The following DNAH14 variants were observed in gnomAD, a reference collection of about 807,000 sequenced individuals.
The protein encoded by DNAH14 is axonemal beta dynein heavy chain 14.
Under a neutral mutation model 520.9 loss-of-function variants are expected in DNAH14, and 478 were observed. The observed-to-expected ratio is 0.92, with a 90% CI of 0.85 to 0.99. The LOEUF (loss-of-function observed/expected upper bound fraction) is 0.99, where lower values mean the gene tolerates loss of function less well. Ranked by LOEUF, DNAH14 falls within the 50% of genes least tolerant of loss-of-function variation. The pLI is 0.00. For missense variants in DNAH14, 4,831 were observed against 5,234.5 expected, an observed-to-expected ratio of 0.92 and a Z score of 2.38; for synonymous variants, 1,581 against 1,757.2, an observed-to-expected ratio of 0.90 and a Z score of 2.51.
At chr1:225,045,954 TTC>T (rs1381296180) in intron 15 of DNAH14, among the ~76,000 whole-genome samples, 2 of 152,110 alleles carry the variant, frequency 1.3e-5, no homozygotes, top group African/African-American at 4.8e-5. Context: ...TACTGTGGTG[TTC>T]TTAATGGTGA....
chr1:225,056,342 G>A (rs1161442755), intron 17 of DNAH14, among the ~76,000 whole-genome samples: 2 of 152,196 alleles, frequency 1.3e-5, no homozygotes, highest in African/African-American at 2.4e-5. Context: ...CTTTTGAGAA[G>A]TGTCTGTTCA....
At chr1:225,001,477 G>A (rs2063767686) in intron 8 of DNAH14, among the ~76,000 whole-genome samples, 1 of 152,012 alleles carries the variant, frequency 6.6e-6, no homozygotes, top group African/African-American at 2.4e-5. Context: ...AGAAATTTGT[G>A]GTGAATTCCT....
intron 41 of DNAH14, among the ~76,000 whole-genome samples, chr1:225,230,822 G>T (rs1192456786): frequency 6.6e-6 from 1 of 151,988 alleles, no homozygotes; most frequent in Non-Finnish European, 1.5e-5. Context: ...GGATAGAATA[G>T]AATAAAGAAT....
intron 10 of DNAH14, among the ~76,000 whole-genome samples, chr1:225,020,615 G>T (rs2065612573): frequency 6.6e-6 from 1 of 151,452 alleles, no homozygotes; most frequent in African/African-American, 2.4e-5. Flanking sequence ...GATTAAACCA[G>T]GAAGAAATTG....
chr1:225,040,153 A>G (rs1021616146), intron 12 of DNAH14, among the ~76,000 whole-genome samples: 2 of 151,768 alleles, frequency 1.3e-5, no homozygotes, highest in Non-Finnish European at 2.9e-5. Context: ...GTTAGCCAGG[A>G]TGGTCTTGAT....
chr1:225,320,425 C>A (rs781570210), intron 61 of DNAH14, among the ~76,000 whole-genome samples: 27 of 152,296 alleles, frequency 1.8e-4, no homozygotes, highest in Non-Finnish European at 3.4e-4. Context: ...CCAGCCTTGT[C>A]TTTGAACTCC....
Position 224,974,158 on chromosome 1 carries a change from G to A in DNAH14, c.830+5G>A, listed in dbSNP as rs779022678. ...AATTAAGACAGAGAAGAGCAGGTAAGTTTTGATACGCAATATATAAAAATT... is the reference window on the plus strand; with the variant it reads ...AATTAAGACAGAGAAGAGCAGGTAAATTTTGATACGCAATATATAAAAATT... On this transcript the variant is annotated splice_donor_5th_base_variant and intron_variant, in intron 8 of 85. Transcript: ENST00000682510. The A allele has an allele frequency of 1.6e-5, 23 of 1,460,792 alleles. No homozygotes were observed. Among genetic ancestry groups the A allele is most frequent in the Non-Finnish European group, 1.8e-5 (20 of 1,096,824 alleles). 90.5% of individuals were successfully genotyped at this position (1,460,792 alleles called of 1,614,324 possible).
At chr1:225,088,673 C>T (rs1393495604) in intron 21 of DNAH14, among the ~76,000 whole-genome samples, 1 of 152,098 alleles carries the variant, frequency 6.6e-6, no homozygotes, top group African/African-American at 2.4e-5. Flanking sequence ...GATTTACACT[C>T]AATACATTCT....
intron 23 of DNAH14, among the ~76,000 whole-genome samples, chr1:225,113,387 G>A (rs780460179): frequency 6.6e-6 from 1 of 152,190 alleles, no homozygotes; most frequent in Non-Finnish European, 1.5e-5. Flanking sequence ...GGTGACACAA[G>A]CATGCATGTG....
At chr1:225,189,629 T>C (rs1365648752) in intron 37 of DNAH14, among the ~76,000 whole-genome samples, 2 of 151,852 alleles carry the variant, frequency 1.3e-5, no homozygotes, top group African/African-American at 2.4e-5. Flanking sequence ...CATTTCATCT[T>C]GCTTGAAAAA....
intron 26 of DNAH14, among the ~76,000 whole-genome samples, chr1:225,123,098 TTTCATGAATCCTA>T (rs2077424753): frequency 6.6e-6 from 1 of 152,194 alleles, no homozygotes; most frequent in Admixed American, 6.5e-5. Context: ...TCTGGATATT[TTTCATGAATCCTA>T]TTCTGTCCAT....
chr1:225,378,467 C>A (rs574796651), intron 79 of DNAH14, among the ~76,000 whole-genome samples: 1 of 152,180 alleles, frequency 6.6e-6, no homozygotes, highest in African/African-American at 2.4e-5. Context: ...TGACCTCAGG[C>A]GATCTGTAAA....
At chr1:224,956,298 A>T (rs1305615925) in intron 3 of DNAH14, among the ~76,000 whole-genome samples, 1 of 152,132 alleles carries the variant, frequency 6.6e-6, no homozygotes, top group Non-Finnish European at 1.5e-5. Context: ...GTAATAATAT[A>T]TAGTCATGTA....
At chr1:225,158,607 T>G (rs1468198772) in intron 34 of DNAH14, among the ~76,000 whole-genome samples, 1 of 152,222 alleles carries the variant, frequency 6.6e-6, no homozygotes, top group Non-Finnish European at 1.5e-5. Flanking sequence ...GTTATGTTAC[T>G]TTAGTGAATA....
chr1:225,339,279 C>T (rs1383056321), intron 68 of DNAH14, among the ~76,000 whole-genome samples: 1 of 152,078 alleles, frequency 6.6e-6, no homozygotes, highest in Non-Finnish European at 1.5e-5. Context: ...CCATTGCACT[C>T]CAGCCTGGGC....
chr1:225,002,962 G>T, intron 9 of DNAH14, 35 bp downstream of exon 9: 16 of 1,431,504 alleles, frequency 1.1e-5, no homozygotes, highest in Non-Finnish European at 1.5e-5. Flanking sequence ...GCTAATATTG[G>T]TATATAGAAA....
intron 27 of DNAH14, among the ~76,000 whole-genome samples, chr1:225,124,788 T>C (rs1199632882): frequency 6.7e-6 from 1 of 149,656 alleles, no homozygotes; most frequent in African/African-American, 2.4e-5. Flanking sequence ...TGGTGAATCC[T>C]TTCCAGAAGG....
chr1:225,159,619 T>G, intron 35 of DNAH14, 134 bp downstream of exon 35: 1 of 996,318 alleles, frequency 1.0e-6, no homozygotes, highest in East Asian at 2.8e-5. Flanking sequence ...ATAAAAATAC[T>G]TGGAGATATA....
chr1:224,945,606 C>G (rs537203926), intron 1 of DNAH14, among the ~76,000 whole-genome samples: 2 of 152,210 alleles, frequency 1.3e-5, no homozygotes, highest in African/African-American at 4.8e-5. Flanking sequence ...CTGTTTTTTC[C>G]CCATCTTTGT....
Sources: allele counts gnomAD v4.1 joint callset (sites outside exome capture counted in the v4.1 genomes callset), GRCh38; gene constraint gnomAD v4.1.1; transcripts MANE v1.5; gene names NCBI Gene and HGNC (gene_info 2026-07-23, HGNC 2026-07-21).